The following EML6 variants were observed in gnomAD, a reference collection of about 807,000 sequenced individuals.
EML6 encodes echinoderm microtubule-associated protein-like 6.
EML6 carries 154 observed loss-of-function variants against 240.1 expected under a neutral mutation model. The observed-to-expected ratio is 0.64, with a 90% CI of 0.56 to 0.73. The LOEUF (loss-of-function observed/expected upper bound fraction) is 0.73, where lower values mean the gene tolerates loss of function less well. Among genes scored for constraint, EML6 ranks in the 30% least tolerant of loss-of-function variants. The pLI is 0.00. For missense variants in EML6, 2,964 were observed against 2,474.6 expected (o/e 1.20, Z -4.20); for synonymous variants, 1,148 against 899.0 (o/e 1.28, Z -4.95).
chr2:54,911,894 T>G (rs1673662322), intron 25 of EML6, among the ~76,000 whole-genome samples: 1 of 152,236 alleles, frequency 6.6e-6, no homozygotes, highest in South Asian at 2.1e-4. Flanking sequence ...ATCCCTAAAC[T>G]AACACCTCTT....
At chr2:54,742,192 C>G (rs1233122501) in intron 2 of EML6, among the ~76,000 whole-genome samples, 4 of 152,156 alleles carry the variant, frequency 2.6e-5, no homozygotes, top group African/African-American at 9.7e-5. Context: ...CTTAAAAACT[C>G]CGGCCAACTC....
At chr2:54,878,660 G>T (rs1443537240) in intron 16 of EML6, among the ~76,000 whole-genome samples, 2 of 152,240 alleles carry the variant, frequency 1.3e-5, no homozygotes, top group East Asian at 3.9e-4. Flanking sequence ...GAAATAAATT[G>T]TCCTGGAAAT....
intron 30 of EML6, 42 bp downstream of exon 30, chr2:54,950,821 T>A: frequency 6.5e-7 from 1 of 1,535,214 alleles, no homozygotes; most frequent in Non-Finnish European, 8.8e-7. Context: ...TTTTAGCTGT[T>A]TTTTACATGC....
At chr2:54,962,199 T>G (rs1573224366) in intron 35 of EML6, among the ~76,000 whole-genome samples, 1 of 151,574 alleles carries the variant, frequency 6.6e-6, no homozygotes, top group East Asian at 2.0e-4. Flanking sequence ...AATCCCCAAG[T>G]TTTTCTAATA....
chr2:54,905,321 GAC>G (rs70944194), intron 24 of EML6, among the ~76,000 whole-genome samples: 7,025 of 121,414 alleles, frequency 0.058, 270 homozygotes, highest in East Asian at 0.15. Context: ...TTTAGAATCC[GAC>G]ACACACACAC....
At chr2:54,894,867 T>C (rs895594571) in intron 19 of EML6, 48 bp from the exon 20 acceptor site, 5 of 1,319,656 alleles carry the variant, frequency 3.8e-6, no homozygotes, top group African/African-American at 2.9e-5. Flanking sequence ...AAGTGGGTAA[T>C]TGGTCATTTT....
chr2:54,836,019 C>T (rs983048644), intron 7 of EML6, among the ~76,000 whole-genome samples: 3 of 152,228 alleles, frequency 2.0e-5, no homozygotes, highest in Non-Finnish European at 4.4e-5. Flanking sequence ...GACTCCTTGC[C>T]TCTGTCACCG....
chr2:54,772,275 TGAAGTGACTTGGTTAGTGGTGTGAGA>T (rs1668433811), intron 2 of EML6, among the ~76,000 whole-genome samples: 1 of 152,164 alleles, frequency 6.6e-6, no homozygotes, highest in African/African-American at 2.4e-5. Flanking sequence ...AAACGAAGCT[TGAAGTGACTTGGTTAGTGGTGTGAGA>T]GAAGTGCTAT....
intron 5 of EML6, among the ~76,000 whole-genome samples, chr2:54,826,259 A>G (rs1268418541): frequency 1.3e-5 from 2 of 152,172 alleles, no homozygotes; most frequent in Non-Finnish European, 1.5e-5. Context: ...GGATCAAATA[A>G]CTTAGCATAT....
chr2:54,851,643 T>C (rs1275234793), intron 10 of EML6, among the ~76,000 whole-genome samples: 2 of 152,258 alleles, frequency 1.3e-5, no homozygotes, highest in African/African-American at 2.4e-5. Flanking sequence ...TTCAGGTATT[T>C]GGATGTTCAT....
rs1671257589 is a variant in EML6 at position 54,871,571 on chromosome 2, A to C, written c.2310A>C (p.Gln770His). The C allele has an allele frequency of 1.4e-5, 21 of 1,551,700 alleles. No individual in the cohort carries two copies. Among genetic ancestry groups the C allele is most frequent in the Non-Finnish European group, 1.7e-5 (20 of 1,146,924 alleles). ...AATGTTTGTCGCTGTTGAAAGGACA[A>C]CATCAGAGAGGAGTGTGTGCACTTG... ...TLKCLSLLKG[Q>H]HQRGVCALDF... Residue 770 changes from glutamine (Q) to histidine (H), a missense_variant, in exon 16 of 42, where the codon CAA becomes CAC. By Grantham distance (24) the Gln-to-His change is conservative. Transcript: ENST00000356458.
In EML6 at chr2:54,954,070, A is replaced by T; in HGVS notation, c.4400A>T (p.Tyr1467Phe). 6.4e-7 allele frequency: 1 copy of T among 1,551,618 alleles called. No individual in the cohort carries two copies. The highest frequency in any genetic ancestry group is 8.7e-7 in the Non-Finnish European group (1 of 1,146,934). ...LRCFHSKGVN[Y>F]INFSATGKLL... ...TGCTTCCACTCCAAGGGGGTGAATTACATCAACTTCAGTGCAACTGGAAAG... is the reference window on the plus strand; with the variant it reads ...TGCTTCCACTCCAAGGGGGTGAATTTCATCAACTTCAGTGCAACTGGAAAG... The change falls in exon 32 of 42, where the codon TAC becomes TTC. Residue 1467 changes from tyrosine to phenylalanine, a missense_variant. Tyr to Phe is a conservative substitution (Grantham distance 22). Transcript: ENST00000356458.
At chr2:54,797,183 A>AAAAAAACAAAAAAAAAAAAAAAC (rs1669857031) in intron 2 of EML6, among the ~76,000 whole-genome samples, 1 of 149,198 alleles carries the variant, frequency 6.7e-6, no homozygotes, top group African/African-American at 2.5e-5. Flanking sequence ...AAAAAAAAAA[A>AAAAAAACAAAAAAAAAAAAAAAC]AAAAAACTGT....
At chr2:54,735,050 C>G (rs950029720) in intron 2 of EML6, among the ~76,000 whole-genome samples, 1 of 152,192 alleles carries the variant, frequency 6.6e-6, no homozygotes, top group African/African-American at 2.4e-5. Flanking sequence ...TTCCTCATCC[C>G]TGTGTGTATC....
rs1682850125 is a variant in EML6, at chr2:54,725,153, C to T, written c.92C>T (p.Thr31Met). Reference protein sequence around the residue: ...GHQCRNNLYYTAGKEVVYFVA... With the variant: ...GHQCRNNLYYMAGKEVVYFVA... Reference sequence around the variant, plus strand: ...CAGTGCCGCAACAACCTGTACTACACGGCAGGCAAGGAGGTGGTCTACTTT... The same window carrying T: ...CAGTGCCGCAACAACCTGTACTACATGGCAGGCAAGGAGGTGGTCTACTTT... The change falls in exon 2 of 42, where the codon ACG becomes ATG. Residue 31 changes from threonine (T) to methionine (M), a missense_variant. By Grantham distance (81) the Thr-to-Met change is moderately conservative (BLOSUM62 -1). Coordinates refer to ENST00000356458, the MANE Select transcript of EML6 (RefSeq NM_001039753.4). The surrounding 1 kb of genome is among the most constrained non-coding windows in gnomAD (Gnocchi z 4.3). The T allele has an allele frequency of 6.5e-7, 1 of 1,536,200 alleles. No homozygotes were observed. The highest frequency in any genetic ancestry group is 8.8e-7 in the Non-Finnish European group (1 of 1,139,542).
intron 2 of EML6, among the ~76,000 whole-genome samples, chr2:54,749,531 C>A (rs903673079): frequency 6.6e-6 from 1 of 151,776 alleles, no homozygotes; most frequent in African/African-American, 2.4e-5. Context: ...TAATGTGTAC[C>A]TTATTGATTA....
intron 8 of EML6, among the ~76,000 whole-genome samples, chr2:54,844,770 A>C (rs987767920): frequency 6.6e-6 from 1 of 152,160 alleles, no homozygotes; most frequent in Non-Finnish European, 1.5e-5. Context: ...AAAGTAGTTT[A>C]CTCGGAGCCT....
chr2:54,820,332 T>G, intron 4 of EML6, 62 bp from the exon 5 acceptor site: 1 of 976,206 alleles, frequency 1.0e-6, no homozygotes, highest in South Asian at 1.4e-5. Context: ...ATTGGACTAG[T>G]ATTGGGAAAA....
chr2:54,841,134 G>T (rs889512717), intron 7 of EML6, among the ~76,000 whole-genome samples: 1 of 152,258 alleles, frequency 6.6e-6, no homozygotes, highest in Non-Finnish European at 1.5e-5. Flanking sequence ...TGGGCGCAAG[G>T]CCGTGTGGTT....
Sources: allele counts gnomAD v4.1 joint callset (sites outside exome capture counted in the v4.1 genomes callset), GRCh38; gene constraint gnomAD v4.1.1; non-coding constraint Gnocchi (gnomAD v3.1); transcripts MANE v1.5; gene names NCBI Gene and HGNC (gene_info 2026-07-23, HGNC 2026-07-21).